Variants in FBXO25 observed in about 807,000 individuals in gnomAD.
FBXO25 encodes the protein F-box protein 25.
In FBXO25, 45 loss-of-function variants were observed where a neutral mutation model predicts 51.9. The ratio of observed to expected loss-of-function variants is 0.87; its 90% CI spans 0.68 to 1.11. The LOEUF (loss-of-function observed/expected upper bound fraction) is 1.11. Among genes scored for constraint, FBXO25 ranks in the 50% most tolerant of loss-of-function variants. The probability of loss-of-function intolerance (pLI) is 0.00; values close to 1 mark genes in which losing one functional copy is unlikely to be tolerated. For missense variants in FBXO25, 507 were observed against 428.5 expected, an observed-to-expected ratio of 1.18 and a Z score of -1.62; for synonymous variants, 199 against 151.0, an observed-to-expected ratio of 1.32 and a Z score of -2.33.
intron 9 of FBXO25, among the ~76,000 whole-genome samples, chr8:468,502 C>G (rs1166322730): frequency 4.6e-5 from 7 of 152,112 alleles, no homozygotes; most frequent in Admixed American, 4.6e-4. Context: ...CCGTCTCCTG[C>G]CCTACCTGAG....
At chr8:459,006 C>T (rs1412168678) in intron 8 of FBXO25, among the ~76,000 whole-genome samples, 4 of 152,188 alleles carry the variant, frequency 2.6e-5, no homozygotes, top group Non-Finnish European at 5.9e-5. Flanking sequence ...TTGTGTGCTG[C>T]ACTTGGGAGT....
intron 8 of FBXO25, among the ~76,000 whole-genome samples, 172 bp downstream of exon 8, chr8:458,723 G>GT (rs1799614028): frequency 6.6e-6 from 1 of 152,166 alleles, no homozygotes; most frequent in South Asian, 2.1e-4. Flanking sequence ...CCTATAGAAT[G>GT]TAAGGTTTAT....
chr8:464,025 A>C (rs894623866), intron 9 of FBXO25, among the ~76,000 whole-genome samples: 1 of 152,096 alleles, frequency 6.6e-6, no homozygotes, highest in African/African-American at 2.4e-5. Context: ...TTATGGGTGC[A>C]GTGGCGCAAT....
rs1355628672 is a variant in FBXO25 at position 419,968 on chromosome 8, A to G, written c.134+6755A>G. ...TGGGCAATAGTTTCGGTGAACCTGT[A>G]CTTCACCAAACAACTTGCATGGATT... On this transcript the variant is annotated intron_variant, in intron 2 of 9. Transcript: ENST00000350302. 2.6e-5 allele frequency among the ~76,000 whole-genome samples: 4 copies of G among 152,312 alleles called. No individual in the cohort carries two copies. In the East Asian group the frequency reaches 7.7e-4, roughly 29 times the overall value.
intron 8 of FBXO25, among the ~76,000 whole-genome samples, chr8:460,891 A>G (rs955424370): frequency 6.6e-6 from 1 of 152,246 alleles, no homozygotes; most frequent in Non-Finnish European, 1.5e-5. Flanking sequence ...TGACTCCACG[A>G]TAATTTCCAG....
intron 9 of FBXO25, among the ~76,000 whole-genome samples, chr8:463,370 G>A (rs183034960): frequency 5.0e-4 from 76 of 152,264 alleles, no homozygotes; most frequent in Admixed American, 4.9e-3. Context: ...TCTCCTTTTT[G>A]CAGAAGTTAG....
intron 3 of FBXO25, among the ~76,000 whole-genome samples, chr8:432,578 G>A (rs1797878468): frequency 6.6e-6 from 1 of 152,118 alleles, no homozygotes; most frequent in Non-Finnish European, 1.5e-5. Context: ...TTTTATTAGG[G>A]TACATAGGAA....
chr8:433,578 T>G (rs1797941088), intron 4 of FBXO25, among the ~76,000 whole-genome samples: 1 of 152,190 alleles, frequency 6.6e-6, no homozygotes, highest in Admixed American at 6.5e-5. Context: ...GGCTAAAGCT[T>G]TTTCATGAGC....
At chr8:460,368 C>G (rs1799729831) in intron 8 of FBXO25, among the ~76,000 whole-genome samples, 1 of 152,108 alleles carries the variant, frequency 6.6e-6, no homozygotes, top group African/African-American at 2.4e-5. Flanking sequence ...CTCATTTGTA[C>G]ACATTTTCTT....
At chr8:425,133 G>A (rs558397038) in intron 2 of FBXO25, among the ~76,000 whole-genome samples, 38 of 141,776 alleles carry the variant, frequency 2.7e-4, no homozygotes, top group African/African-American at 6.7e-4. Flanking sequence ...AGCGCCCCCC[G>A]CCCCCCACAT....
chr8:475,664 T>C lies in FBXO25; in HGVS notation c.*6860T>C, dbSNP rs1487167920. The C allele has an allele frequency of 6.6e-6, 1 of 152,206 alleles. No homozygotes were observed. Among genetic ancestry groups the C allele is most frequent in the Non-Finnish European group, 1.5e-5 (1 of 68,020 alleles). 9.4% of individuals were successfully genotyped at this position (152,206 alleles called of 1,614,324 possible). On this transcript the variant is annotated 3_prime_UTR_variant, in exon 10 of 10. Transcript: ENST00000350302. The stretch of plus-strand genomic sequence containing the variant: ...AGTTTATTCCTAAATATTTCAGTTT[T>C]TTTGTTACTATTATAATGGAATTTT...
At chr8:447,350 C>G (rs910269768) in intron 5 of FBXO25, among the ~76,000 whole-genome samples, 3 of 151,940 alleles carry the variant, frequency 2.0e-5, no homozygotes, top group Non-Finnish European at 4.4e-5. Flanking sequence ...AACAGGTGCC[C>G]TAGGAAGTCC....
Position 474,817 on chromosome 8 carries a change from T to C in FBXO25, c.*6013T>C, listed in dbSNP as rs761104452. On this transcript the variant is annotated 3_prime_UTR_variant, in exon 10 of 10. Coordinates refer to ENST00000350302, the MANE Select transcript of FBXO25 (RefSeq NM_183420.2). Reference sequence around the variant, plus strand: ...TTGCCTTTCACTCTGTTTTGTTCTTTGATGTACAGAAGTTGTTTCTTTCTT... The same window carrying C: ...TTGCCTTTCACTCTGTTTTGTTCTTCGATGTACAGAAGTTGTTTCTTTCTT... 6.7e-5 allele frequency: 28 copies of C among 415,974 alleles called. No homozygotes were observed. Among genetic ancestry groups the C allele is most frequent in the African/African-American group, 5.0e-4 (24 of 47,754 alleles). The allele number at this position is 415,974 out of a possible 1,614,324, so 25.8% of individuals were successfully genotyped here.
In FBXO25 at chr8:470,209, C is replaced by T. The variant is rs1206784763; in HGVS notation, c.*1405C>T. On this transcript the variant is annotated 3_prime_UTR_variant, in exon 10 of 10. Coordinates refer to ENST00000350302, the MANE Select transcript of FBXO25 (RefSeq NM_183420.2). ...AACATATTGGGGTTCCTGAGTGTCT[C>T]GCCGTTAGCATCAATAACTATGATA... 3.3e-5 allele frequency: 5 copies of T among 152,120 alleles called. No individual in the cohort carries two copies. Among genetic ancestry groups the T allele is most frequent in the Admixed American group, 1.3e-4 (2 of 15,258 alleles). 9.4% of individuals were successfully genotyped at this position (152,120 alleles called of 1,614,324 possible).
chr8:427,262 C>T (rs1456401777), intron 2 of FBXO25, among the ~76,000 whole-genome samples: 3 of 151,854 alleles, frequency 2.0e-5, no homozygotes, highest in South Asian at 4.2e-4. Context: ...AGAGGTGCAG[C>T]CAAATTGATC....
At chr8:411,432 C>G (rs1395156855) in intron 1 of FBXO25, among the ~76,000 whole-genome samples, 2 of 151,824 alleles carry the variant, frequency 1.3e-5, no homozygotes, top group African/African-American at 4.8e-5. Context: ...GGGTTTTTTT[C>G]TTGGCTCTCT....
intron 1 of FBXO25, 90 bp from the exon 2 acceptor site, chr8:412,983 C>G: frequency 6.6e-6 from 7 of 1,055,450 alleles, no homozygotes; most frequent in Non-Finnish European, 8.9e-6. Context: ...ATGTTAAGAA[C>G]TTTAATCTTT....
At chr8:466,001 C>G (rs535202799) in intron 9 of FBXO25, among the ~76,000 whole-genome samples, 3 of 152,286 alleles carry the variant, frequency 2.0e-5, no homozygotes, top group Admixed American at 1.3e-4. Context: ...CTGCCCATCT[C>G]TTAGTTCTGG....
chr8:465,257 A>C lies in FBXO25; in HGVS notation c.987+2107A>C, dbSNP rs561434342. Among the ~76,000 whole-genome samples, 12 of 152,310 alleles carry C rather than the reference A, an allele frequency of 7.9e-5. No individual in the cohort carries two copies. The East Asian group carries it at 2.3e-3, about 29-fold the overall frequency. On this transcript the variant is annotated intron_variant, in intron 9 of 9. Coordinates refer to ENST00000350302, the MANE Select transcript of FBXO25 (RefSeq NM_183420.2). ...GTTCTTCTCTGAAATATTAACACTG[A>C]AAACATGTGACTGTGTCTTCAGTCA... is the stretch of plus-strand genomic sequence containing the variant.
Sources: allele counts gnomAD v4.1 joint callset (sites outside exome capture counted in the v4.1 genomes callset), GRCh38; gene constraint gnomAD v4.1.1; transcripts MANE v1.5; gene names NCBI Gene and HGNC (gene_info 2026-07-23, HGNC 2026-07-21).